SPAG4: variants seen among roughly 807,000 people sequenced by gnomAD.
The protein encoded by SPAG4 is sperm-associated antigen 4 protein.
SPAG4 carries 54 observed loss-of-function variants against 53.9 expected under a neutral mutation model. The ratio of observed to expected loss-of-function variants is 1.00; its 90% confidence interval spans 0.80 to 1.26. The LOEUF is 1.26. Among genes scored for constraint, SPAG4 ranks in the 50% most tolerant of loss-of-function variants. The pLI is 0.00. For missense variants in SPAG4, 548 were observed against 568.6 expected, an observed-to-expected ratio of 0.96 and a Z score of 0.37; for synonymous variants, 246 against 237.4, an observed-to-expected ratio of 1.04 and a Z score of -0.33.
Position 35,619,015 on chromosome 20 carries a change from C to A in SPAG4, c.793+17C>A. The A allele has an allele frequency of 6.2e-7, 1 of 1,608,252 alleles. No individual in the cohort carries two copies. Among genetic ancestry groups the A allele is most frequent in the Non-Finnish European group, 8.5e-7 (1 of 1,174,682 alleles). On this transcript the variant is annotated intron_variant, in intron 8 of 11. Transcript: ENST00000374273. ...GCTCTGTGGGTAAGACCCGGAGACACTGGAAGACAGAGACGCAGACAGGAA... is the reference window on the plus strand; with the variant it reads ...GCTCTGTGGGTAAGACCCGGAGACAATGGAAGACAGAGACGCAGACAGGAA...
At position 35,616,108 on chromosome 20, in the gene SPAG4, A is replaced by G; in HGVS notation, c.105A>G (p.Lys35=). The change falls in exon 1 of 12, where the codon AAA becomes AAG. Residue 35 remains lysine, a synonymous_variant. Transcript: ENST00000374273. ...SSMSITSEDS[K]GLRSAEPGPG... The stretch of plus-strand genomic sequence containing the variant: ...TGAGCATCACCTCGGAGGACAGCAA[A>G]GGGCTCCGGTCAGCGGAGCCCGGGC... The G allele has an allele frequency of 6.3e-7, 1 of 1,587,586 alleles. No homozygotes were observed. Among genetic ancestry groups the G allele is most frequent in the Non-Finnish European group, 8.6e-7 (1 of 1,164,052 alleles).
chr20:35,618,787 C>A, intron 7 of SPAG4, 67 bp downstream of exon 7: 2 of 1,442,086 alleles, frequency 1.4e-6, no homozygotes, highest in Non-Finnish European at 1.9e-6. Flanking sequence ...GACTTAAGCT[C>A]CGCCCAGAGC....
intron 1 of SPAG4, chr20:35,616,755 G>A (rs1043273096): frequency 3.5e-5 from 8 of 227,878 alleles, no homozygotes; most frequent in African/African-American, 9.2e-5. Flanking sequence ...TCAGCCTCCC[G>A]AGTAGCTGGG....
Position 35,615,985 on chromosome 20 carries a change from T to C in SPAG4, c.-19T>C. ...CAGCGGCGGCTTTAGCGTCAGTGAC[T>C]AGGCAGCAGGGGGTCAGGATGCGGC... On this transcript the variant is annotated 5_prime_UTR_variant, in exon 1 of 12. Coordinates refer to ENST00000374273, the MANE Select transcript of SPAG4 (RefSeq NM_003116.3). 1 of 1,608,496 alleles carries C rather than the reference T, an allele frequency of 6.2e-7. No individual in the cohort carries two copies. The highest frequency in any genetic ancestry group is 8.5e-7 in the Non-Finnish European group (1 of 1,179,000).
Position 35,617,114 on chromosome 20 carries a change from T to C in SPAG4, c.305-22T>C, listed in dbSNP as rs368059421. The C allele has an allele frequency of 5.7e-5, 86 of 1,515,766 alleles. No homozygotes were observed. In the African/African-American group the frequency reaches 7.7e-4, roughly 14 times the overall value. 93.9% of individuals were successfully genotyped at this position (1,515,766 alleles called of 1,614,324 possible). A position where few individuals can be genotyped will look rare whatever the true frequency, so the allele number is the denominator to read the frequency against. On this transcript the variant is annotated intron_variant, in intron 1 of 11. Coordinates refer to ENST00000374273, the MANE Select transcript of SPAG4 (RefSeq NM_003116.3). ...AGGTCTGTGGTCCGCAAGGCCCCAG[T>C]GGAGCCCTTGGGTTCCCGCAGAACC...
At chr20:35,619,078 T>C (rs1310518705) in intron 8 of SPAG4, 80 bp downstream of exon 8, 1 of 1,476,300 alleles carries the variant, frequency 6.8e-7, no homozygotes, top group Non-Finnish European at 9.4e-7. Flanking sequence ...CCCATGCACC[T>C]GACCGGCCGA....
chr20:35,619,553 C>T (rs1160632643), intron 9 of SPAG4, 26 bp from the exon 10 acceptor site: 2 of 1,605,698 alleles, frequency 1.2e-6, no homozygotes, highest in African/African-American at 2.7e-5. Context: ...TCCGACGGTT[C>T]CGATGGTCCC....
chr20:35,616,341 GA>G, intron 1 of SPAG4, 34 bp downstream of exon 1: 1 of 1,443,786 alleles, frequency 6.9e-7, no homozygotes, highest in South Asian at 1.5e-5. Flanking sequence ...TGAGCCAGTG[GA>G]GGGGGCGGGG....
chr20:35,619,327 C>G lies in SPAG4; in HGVS notation c.909+17C>G, dbSNP rs753615634. 22 of 1,601,240 alleles carry G rather than the reference C, an allele frequency of 1.4e-5. No individual in the cohort carries two copies. Among genetic ancestry groups the G allele is most frequent in the Non-Finnish European group, 1.5e-5 (17 of 1,168,364 alleles). Reference sequence around the variant, plus strand: ...ATCCTGGAGGTGAGTCTGGAAACATCCCGGGATGGGACCCCGGGCGGGACG... The same window carrying G: ...ATCCTGGAGGTGAGTCTGGAAACATGCCGGGATGGGACCCCGGGCGGGACG... On this transcript the variant is annotated intron_variant, in intron 9 of 11. Transcript: ENST00000374273.
chr20:35,617,094 T>C, intron 1 of SPAG4, 42 bp from the exon 2 acceptor site: 1 of 1,322,190 alleles, frequency 7.6e-7, no homozygotes, highest in Non-Finnish European at 1.1e-6. Context: ...AAAATAGGTC[T>C]GTGGTCCGCA....
At position 35,615,898 on chromosome 20, in the gene SPAG4, A is replaced by G; in HGVS notation, c.-106A>G. The G allele has an allele frequency of 9.0e-7, 1 of 1,116,508 alleles. No individual in the cohort carries two copies. Among genetic ancestry groups the G allele is most frequent in the Non-Finnish European group, 1.2e-6 (1 of 806,382 alleles). The allele number at this position is 1,116,508 out of a possible 1,614,324, so 69.2% of individuals were successfully genotyped here. On this transcript the variant is annotated 5_prime_UTR_variant, in exon 1 of 12. Transcript: ENST00000374273. ...GCCGCGGGGCCTGCCGACTTCACGC[A>G]GGGTCCGTGGGGTCCCCGCGGCGCG...
At chr20:35,618,189 T>TG in intron 5 of SPAG4, 59 bp downstream of exon 5, 1 of 1,552,168 alleles carries the variant, frequency 6.4e-7, no homozygotes, top group Non-Finnish European at 8.8e-7. Context: ...CCGGAGATTG[T>TG]GGGGGTCCCC....
In SPAG4 at chr20:35,615,885, G is replaced by GC; in HGVS notation, c.-117dup. 3 of 966,866 alleles carry GC rather than the reference G, an allele frequency of 3.1e-6. No individual in the cohort carries two copies. The highest frequency in any genetic ancestry group is 3.5e-5 in the African/African-American group (2 of 57,670). 59.9% of individuals were successfully genotyped at this position (966,866 alleles called of 1,614,324 possible). On this transcript the variant is annotated 5_prime_UTR_variant, in exon 1 of 12. Transcript: ENST00000374273. ...GAGGGCAGGTGCGGCCGCGGGGCCT[G>GC]CCGACTTCACGCAGGGTCCGTGGGG...
intron 5 of SPAG4, 88 bp downstream of exon 5, chr20:35,618,218 G>C: frequency 7.4e-7 from 1 of 1,353,274 alleles, no homozygotes; most frequent in East Asian, 2.3e-5. Flanking sequence ...CGGTCTGCTG[G>C]GGTGGGGGTA....
intron 1 of SPAG4, chr20:35,616,799 T>G: frequency 3.7e-6 from 1 of 269,704 alleles, no homozygotes; most frequent in Non-Finnish European, 7.1e-6. Flanking sequence ...CCGGCCAATT[T>G]TTGTGTTTTT....
In SPAG4 at chr20:35,618,110, C is replaced by G. The variant is rs761629651; in HGVS notation, c.562C>G (p.Leu188Val). 1 of 1,613,772 alleles carries G rather than the reference C, an allele frequency of 6.2e-7. No individual in the cohort carries two copies. The highest frequency in any genetic ancestry group is 8.5e-7 in the Non-Finnish European group (1 of 1,179,888). The stretch of plus-strand genomic sequence containing the variant: ...AGCATTCTGGCTGGGGCTTCTGTAC[C>G]TGGTCTCTCCTTTGGAGAATGTGAG... ...LSAFWLGLLY[L>V]VSPLENEPKE... The change falls in exon 5 of 12, where the codon CTG (leucine) becomes GTG (valine). Residue 188 changes from leucine (L) to valine (V), a missense_variant. Coordinates refer to ENST00000374273, the MANE Select transcript of SPAG4 (RefSeq NM_003116.3).
rs2031370876 is a variant in SPAG4 at position 35,616,248 on chromosome 20, C to T, written c.245C>T (p.Pro82Leu). ...WAGSSQQKPA[P>L]RSHNWQTACG... ...GGAAGCTCTCAGCAGAAGCCAGCGC[C>T]TCGGAGCCACAACTGGCAGACAGCC... Residue 82 changes from proline to leucine, a missense_variant, in exon 1 of 12, where the codon CCT becomes CTT. Physicochemically the swap from Pro to Leu is moderately conservative, Grantham distance 98. Transcript: ENST00000374273. The T allele has an allele frequency of 1.3e-6, 2 of 1,520,128 alleles. No individual in the cohort carries two copies. Among genetic ancestry groups the T allele is most frequent in the African/African-American group, 1.4e-5 (1 of 69,744 alleles). 94.2% of individuals were successfully genotyped at this position (1,520,128 alleles called of 1,614,324 possible).
intron 10 of SPAG4, 54 bp from the exon 11 acceptor site, chr20:35,620,630 C>CCG (rs760785045): frequency 2.7e-5 from 14 of 521,528 alleles, no homozygotes; most frequent in Non-Finnish European, 4.8e-5. Context: ...CTCCCCGCCC[C>CCG]CCCCGCCCCA....
intron 4 of SPAG4, 49 bp downstream of exon 4, chr20:35,617,889 G>A: frequency 6.4e-7 from 1 of 1,568,678 alleles, no homozygotes; most frequent in Non-Finnish European, 8.8e-7. Flanking sequence ...TGCTTTGGAG[G>A]CAAACCCAGC....
Sources: gnomAD v4.1 joint callset for allele counts on GRCh38, gnomAD v4.1.1 for gene constraint, MANE v1.5 for transcripts, NCBI Gene and HGNC (gene_info 2026-07-23, HGNC 2026-07-21) for gene names.